SGCZ: variants seen among roughly 807,000 people sequenced by gnomAD.
The protein encoded by SGCZ is zeta-sarcoglycan.
A neutral mutation model predicts 41.3 loss-of-function variants in SGCZ; 40 were observed. That is an observed-to-expected ratio of 0.97 (90% CI 0.75 to 1.26). The LOEUF (loss-of-function observed/expected upper bound fraction) is 1.26. Among genes scored for constraint, SGCZ ranks in the 50% most tolerant of loss-of-function variants. The pLI, the probability that SGCZ is intolerant of heterozygous loss-of-function variation, is 0.00. For missense variants in SGCZ, 552 were observed against 369.8 expected (o/e 1.49, Z -4.04); for synonymous variants, 206 against 137.5 (o/e 1.50, Z -3.49).
At chr8:15,151,807 A>T (rs1339074335) in intron 1 of SGCZ, among the ~76,000 whole-genome samples, 1 of 152,228 alleles carries the variant, frequency 6.6e-6, no homozygotes, top group Non-Finnish European at 1.5e-5. Flanking sequence ...GAATTTTCCA[A>T]CAGTAACCCT....
intron 1 of SGCZ, among the ~76,000 whole-genome samples, chr8:15,025,384 T>A (rs1313949356): frequency 6.6e-6 from 1 of 152,110 alleles, no homozygotes; most frequent in African/African-American, 2.4e-5. Context: ...TTTTTTAAAA[T>A]AATAAATTTC....
In SGCZ at chr8:14,920,014, TTAG is replaced by T. The variant is rs901372532; in HGVS notation, c.39+317568_39+317570del. Among the ~76,000 whole-genome samples, 12 of 152,318 alleles carry T rather than the reference TTAG, an allele frequency of 7.9e-5. No individual in the cohort carries two copies. In the East Asian group the frequency reaches 1.9e-3, roughly 24 times the overall value. On this transcript the variant is annotated intron_variant, in intron 1 of 7. Coordinates refer to ENST00000382080, the MANE Select transcript of SGCZ (RefSeq NM_139167.4). ...TGCATGCAGGCTCACCATACTCCTT[TTAG>T]TAGATTTTATATTTCTACTTCTAAA... is the stretch of plus-strand genomic sequence containing the variant.
At chr8:14,886,906 G>T (rs1319847661) in intron 1 of SGCZ, among the ~76,000 whole-genome samples, 1 of 152,094 alleles carries the variant, frequency 6.6e-6, no homozygotes, top group Non-Finnish European at 1.5e-5. Context: ...AATGACCTAG[G>T]GCAGAGTACT....
chr8:14,990,556 A>G (rs957002713), intron 1 of SGCZ, among the ~76,000 whole-genome samples: 2 of 152,022 alleles, frequency 1.3e-5, no homozygotes, highest in Non-Finnish European at 2.9e-5. Flanking sequence ...CCTTATGAGA[A>G]TCCAATGCCC....
In SGCZ at chr8:14,812,685, ATAAT is replaced by A. The variant is rs575532385; in HGVS notation, c.40-257763_40-257760del. Among the ~76,000 whole-genome samples the A allele has an allele frequency of 5.6e-3, 858 of 152,282 alleles. 2 individuals are homozygous for A. Among genetic ancestry groups the A allele is most frequent in the Non-Finnish European group, 8.7e-3 (589 of 67,990 alleles). The stretch of plus-strand genomic sequence containing the variant: ...AATTCTTGCGCATTATAACTGATGA[ATAAT>A]TAAGATGATTCTGGAGACAATCAGA... On this transcript the variant is annotated intron_variant, in intron 1 of 7. Coordinates refer to ENST00000382080, the MANE Select transcript of SGCZ (RefSeq NM_139167.4).
chr8:14,326,127 A>C, intron 2 of SGCZ, among the ~76,000 whole-genome samples: 1 of 148,742 alleles, frequency 6.7e-6, no homozygotes, highest in Non-Finnish European at 1.5e-5. Context: ...AAAAAAAAAA[A>C]AAAGATGAGG....
chr8:14,873,537 T>C (rs1364456962), intron 1 of SGCZ, among the ~76,000 whole-genome samples: 1 of 152,066 alleles, frequency 6.6e-6, no homozygotes, highest in Non-Finnish European at 1.5e-5. Flanking sequence ...TGTCAATCAC[T>C]TGAGATCAAG....
intron 1 of SGCZ, among the ~76,000 whole-genome samples, chr8:15,154,970 C>G (rs1563154769): frequency 6.6e-6 from 1 of 151,976 alleles, no homozygotes; most frequent in Non-Finnish European, 1.5e-5. Flanking sequence ...GTGAGAAGAG[C>G]CGATTTTGAA....
chr8:14,944,508 C>G (rs1210934323), intron 1 of SGCZ, among the ~76,000 whole-genome samples: 1 of 152,014 alleles, frequency 6.6e-6, no homozygotes, highest in African/African-American at 2.4e-5. Flanking sequence ...GAACTTTAGG[C>G]CATTCTATCA....
At chr8:14,451,063 G>T (rs1028476340) in intron 2 of SGCZ, among the ~76,000 whole-genome samples, 5 of 152,042 alleles carry the variant, frequency 3.3e-5, no homozygotes, top group African/African-American at 1.2e-4. Context: ...TGGTCCCCAA[G>T]GTCAAAACCA....
chr8:14,644,372 C>T (rs78473651), intron 1 of SGCZ, among the ~76,000 whole-genome samples: 16,285 of 151,758 alleles, frequency 0.11, 1,043 homozygotes, highest in African/African-American at 0.19. Context: ...ATCCTGCTGA[C>T]CTTCCAGCAA....
chr8:15,210,896 C>T (rs981370103), intron 1 of SGCZ, among the ~76,000 whole-genome samples: 1 of 151,996 alleles, frequency 6.6e-6, no homozygotes, highest in Non-Finnish European at 1.5e-5. Flanking sequence ...CCACATCCAG[C>T]ATTTCAATAT....
chr8:14,102,076 T>TGATATATATA (rs1221773915), intron 7 of SGCZ, among the ~76,000 whole-genome samples: 1 of 119,918 alleles, frequency 8.3e-6, no homozygotes, highest in African/African-American at 3.5e-5. Flanking sequence ...TTGGCTAACT[T>TGATATATATA]TATATATATA....
chr8:14,649,256 T>C (rs1240484625), intron 1 of SGCZ, among the ~76,000 whole-genome samples: 11 of 152,246 alleles, frequency 7.2e-5, no homozygotes, highest in Admixed American at 6.6e-5. Flanking sequence ...CTAGATTTTA[T>C]TTGTGAGGTA....
intron 1 of SGCZ, among the ~76,000 whole-genome samples, chr8:14,843,640 G>A (rs1023222532): frequency 6.6e-6 from 1 of 152,062 alleles, no homozygotes; most frequent in Non-Finnish European, 1.5e-5. Context: ...GGAGACACAT[G>A]ATTTATAGAC....
intron 7 of SGCZ, among the ~76,000 whole-genome samples, chr8:14,098,595 T>TCTAGG (rs762238034): frequency 6.6e-6 from 1 of 152,142 alleles, no homozygotes; most frequent in Non-Finnish European, 1.5e-5. Context: ...CCAAAAGTAT[T>TCTAGG]CTAGGGGCAA....
chr8:15,003,040 T>C (rs1048674020), intron 1 of SGCZ, among the ~76,000 whole-genome samples: 4 of 152,104 alleles, frequency 2.6e-5, no homozygotes, highest in Non-Finnish European at 4.4e-5. Flanking sequence ...CCTCCTTCAC[T>C]TTTCGCCGTG....
Position 14,108,235 on chromosome 8 carries a change from CCT to C in SGCZ, c.548-2_548-1del. On this transcript the variant is annotated splice_acceptor_variant, in intron 5 of 7. Transcript: ENST00000382080. LOFTEE classifies it high-confidence loss of function. ...GTGCCCAAATACGGCTCCTTCAGTG[CCT>C]GGGGGTAGCATGAATATAGCAGTCA... The C allele has an allele frequency of 6.2e-7, 1 of 1,614,008 alleles. No individual in the cohort carries two copies. The highest frequency in any genetic ancestry group is 8.5e-7 in the Non-Finnish European group (1 of 1,179,952).
chr8:14,991,966 T>G (rs568646278), intron 1 of SGCZ, among the ~76,000 whole-genome samples: 1 of 149,716 alleles, frequency 6.7e-6, no homozygotes, highest in South Asian at 2.1e-4. Context: ...CCTCATCCAA[T>G]CTACTCCCAA....
Sources: gnomAD v4.1 joint callset for allele counts (sites outside exome capture counted in the v4.1 genomes callset) on GRCh38, gnomAD v4.1.1 for gene constraint, MANE v1.5 for transcripts, NCBI Gene and HGNC (gene_info 2026-07-23, HGNC 2026-07-21) for gene names.